LRRC17: variants seen among roughly 807,000 people sequenced by gnomAD.
The protein encoded by LRRC17 is leucine rich repeat containing 17.
LRRC17 carries 33 observed loss-of-function variants against 41.5 expected under a neutral mutation model. The ratio of observed to expected loss-of-function variants is 0.80; its 90% CI spans 0.60 to 1.06. The LOEUF (loss-of-function observed/expected upper bound fraction) is 1.06, where lower values mean the gene tolerates loss of function less well. Ranked by LOEUF, LRRC17 falls within the 50% of genes least tolerant of loss-of-function variation. The pLI is 0.00. For synonymous variants in LRRC17, 192 were observed against 197.0 expected (o/e 0.97, Z 0.21); for missense variants, 491 against 519.3 (o/e 0.95, Z 0.53).
At chr7:102,926,287 G>A (rs768134477) in intron 1 of LRRC17, 13 of 1,612,854 alleles carry the variant, frequency 8.1e-6, no homozygotes, top group South Asian at 1.1e-5. Flanking sequence ...GGCAGGAGTC[G>A]CATCGTCCTG....
intron 1 of LRRC17, among the ~76,000 whole-genome samples, chr7:102,920,957 G>GT (rs1584943791): frequency 6.6e-6 from 1 of 151,996 alleles, no homozygotes; most frequent in Non-Finnish European, 1.5e-5. Context: ...TTCGAGACCG[G>GT]CCTGGCCAAC....
At chr7:102,919,487 A>G (rs566179920) in intron 1 of LRRC17, among the ~76,000 whole-genome samples, 1 of 152,344 alleles carries the variant, frequency 6.6e-6, no homozygotes, top group South Asian at 2.1e-4. Context: ...AAGGTTTAAA[A>G]TGTACCAGGA....
rs1171979977 is a variant in LRRC17 at position 102,913,203 on chromosome 7, G to C, written c.-141+58G>C. On this transcript the variant is annotated intron_variant, in intron 1 of 3. Coordinates refer to ENST00000339431, the MANE Select transcript of LRRC17 (RefSeq NM_001031692.3). ...AATAAGCCAAACTAAGATTCTGTAA[G>C]TTGTGGAAGTGCCTGAAAAGACAAA... The C allele has an allele frequency of 8.7e-6, 14 of 1,614,030 alleles. No homozygotes were observed. In the African/African-American group the frequency reaches 1.1e-4, roughly 12 times the overall value.
chr7:102,942,433 A>G, intron 3 of LRRC17: 1 of 1,177,402 alleles, frequency 8.5e-7, no homozygotes, highest in Non-Finnish European at 1.2e-6. Flanking sequence ...GGAAAAGAGA[A>G]AGAAGATACC....
At chr7:102,929,448 G>A (rs1818734867) in intron 1 of LRRC17, among the ~76,000 whole-genome samples, 1 of 152,030 alleles carries the variant, frequency 6.6e-6, no homozygotes. Flanking sequence ...GATCACTTGA[G>A]CTCAGGAGTT....
chr7:102,928,113 T>C (rs6962336), intron 1 of LRRC17, among the ~76,000 whole-genome samples: 147,950 of 152,272 alleles, frequency 0.97, 72,033 homozygotes, highest in East Asian at 1. Context: ...AATCCATTCT[T>C]TGCATTTTCC....
chr7:102,943,756 C>T (rs1821924233), intron 3 of LRRC17, among the ~76,000 whole-genome samples: 1 of 152,162 alleles, frequency 6.6e-6, no homozygotes. Flanking sequence ...GATTTGACAA[C>T]ACCTTTTGTC....
At position 102,914,790 on chromosome 7, in the gene LRRC17, G is replaced by A. The variant is rs116349141; in HGVS notation, c.-141+1645G>A. Among the ~76,000 whole-genome samples the A allele has an allele frequency of 3.7e-3, 567 of 152,296 alleles. 5 individuals are homozygous for A. Among genetic ancestry groups the A allele is most frequent in the African/African-American group, 0.013 (560 of 41,560 alleles). Reference sequence around the variant, plus strand: ...GAGAAAGCAGTGCTAATATCCCAAAGACACGCCCCCTCTCTTGGGGCTGTC... The same window carrying A: ...GAGAAAGCAGTGCTAATATCCCAAAAACACGCCCCCTCTCTTGGGGCTGTC... On this transcript the variant is annotated intron_variant, in intron 1 of 3. Coordinates refer to ENST00000339431, the MANE Select transcript of LRRC17 (RefSeq NM_001031692.3).
Position 102,939,441 on chromosome 7 carries a change from G to T in LRRC17, c.784G>T (p.Val262Leu). ...ATTAAATTTTCCAGAGTTGAAAAAA[G>T]TGCCAAACAACATCCCTCCAGATAT... ...LDCKRKELKKVPNNIPPDIVK... is the reference protein window; with the variant it reads ...LDCKRKELKKLPNNIPPDIVK... Residue 262 changes from valine (V) to leucine (L), a missense_variant, in exon 3 of 4, where the codon GTG becomes TTG. Coordinates refer to ENST00000339431, the MANE Select transcript of LRRC17 (RefSeq NM_001031692.3). 3 of 1,604,882 alleles carry T rather than the reference G, an allele frequency of 1.9e-6. No homozygotes were observed. The highest frequency in any genetic ancestry group is 1.7e-4 in the Middle Eastern group (1 of 5,980).
intron 2 of LRRC17, 127 bp from the exon 3 acceptor site, chr7:102,939,302 CT>C: frequency 2.8e-6 from 2 of 725,034 alleles, no homozygotes; most frequent in South Asian, 4.4e-5. Context: ...TACTAACTTT[CT>C]TTGGCTTTAG....
At chr7:102,917,406 G>C (rs891450578) in intron 1 of LRRC17, among the ~76,000 whole-genome samples, 4 of 152,164 alleles carry the variant, frequency 2.6e-5, no homozygotes, top group Non-Finnish European at 4.4e-5. Flanking sequence ...AGCACTGTAT[G>C]CCCAGAACAC....
Position 102,934,204 on chromosome 7 carries a change from G to A in LRRC17, c.291G>A (p.Lys97=), listed in dbSNP as rs35321082. 7.3e-3 allele frequency: 11,792 copies of A among 1,614,214 alleles called. 222 individuals are homozygous for A. Among genetic ancestry groups the A allele is most frequent in the East Asian group, 0.068 (3,059 of 44,886 alleles). ...CAAGAAACAAGATCCGCACATTGAA[G>A]AACAACATGTTTTCCAAGTTTAAAA... ...LLARNKIRTL[K]NNMFSKFKKL... Residue 97 remains lysine, a synonymous_variant, in exon 2 of 4, where the codon AAG becomes AAA. Coordinates refer to ENST00000339431, the MANE Select transcript of LRRC17 (RefSeq NM_001031692.3).
Position 102,934,422 on chromosome 7 carries a change from A to G in LRRC17, c.509A>G (p.Glu170Gly). ...LYDNPWHCTC[E>G]IETLISMLQI... is the part of the protein sequence containing the mutation. ...GACAACCCCTGGCACTGTACTTGTG[A>G]GATAGAAACGCTTATTTCAATGTTG... The change falls in exon 2 of 4, where the codon GAG becomes GGG. Residue 170 changes from glutamate to glycine, a missense_variant. Physicochemically the swap from Glu to Gly is moderately conservative, Grantham distance 98 (BLOSUM62 -2). Coordinates refer to ENST00000339431, the MANE Select transcript of LRRC17 (RefSeq NM_001031692.3). 6.2e-7 allele frequency: 1 copy of G among 1,614,180 alleles called. No individual in the cohort carries two copies. The highest frequency in any genetic ancestry group is 1.1e-5 in the South Asian group (1 of 91,074).
intron 1 of LRRC17, among the ~76,000 whole-genome samples, chr7:102,916,973 TTAC>T (rs781168676): frequency 1.2e-4 from 19 of 152,234 alleles, no homozygotes; most frequent in Middle Eastern, 6.8e-3. Flanking sequence ...CCTGAAGGAC[TTAC>T]TACTAAGATG....
intron 1 of LRRC17, among the ~76,000 whole-genome samples, chr7:102,927,937 C>T (rs1818446331): frequency 6.6e-6 from 1 of 152,146 alleles, no homozygotes; most frequent in Non-Finnish European, 1.5e-5. Context: ...TGTTGAAAGA[C>T]CTTGGCAAAA....
At chr7:102,933,301 GACA>G (rs1819587967) in intron 1 of LRRC17, 1 of 151,984 alleles carries the variant, frequency 6.6e-6, no homozygotes, top group Non-Finnish European at 1.5e-5. Context: ...GGCTCAGGAA[GACA>G]ACAATTCAAG....
chr7:102,921,063 A>G (rs972067886), intron 1 of LRRC17, among the ~76,000 whole-genome samples: 3 of 152,210 alleles, frequency 2.0e-5, no homozygotes, highest in African/African-American at 7.2e-5. Flanking sequence ...GAGGCAGGAG[A>G]ATCCTTTCAG....
At chr7:102,925,701 G>T (rs908259898) in intron 1 of LRRC17, among the ~76,000 whole-genome samples, 12 of 152,068 alleles carry the variant, frequency 7.9e-5, no homozygotes, top group African/African-American at 2.9e-4. Flanking sequence ...CAGCGCTTTG[G>T]GAGGCCCAGG....
intron 1 of LRRC17, among the ~76,000 whole-genome samples, chr7:102,916,360 T>A (rs1815873910): frequency 6.6e-6 from 1 of 152,166 alleles, no homozygotes. Flanking sequence ...CTTGGGGGAA[T>A]CCACTGCTCC....
Sources: gnomAD v4.1 joint callset for allele counts (sites outside exome capture counted in the v4.1 genomes callset) on GRCh38, gnomAD v4.1.1 for gene constraint, MANE v1.5 for transcripts, NCBI Gene and HGNC (gene_info 2026-07-23, HGNC 2026-07-21) for gene names.